Variants in GALNT14 observed in about 807,000 individuals in gnomAD.
The protein encoded by GALNT14 is polypeptide N-acetylgalactosaminyltransferase 14, also known as UDP-GalNAc:polypeptide N-acetylgalactosaminyltransferase 14.
Under a neutral mutation model 77.5 loss-of-function variants are expected in GALNT14, and 60 were observed. The ratio of observed to expected loss-of-function variants is 0.77; its 90% CI spans 0.63 to 0.96. The LOEUF (loss-of-function observed/expected upper bound fraction) is 0.96. GALNT14 is among the 40% of genes least tolerant of loss of function. The pLI, the probability that GALNT14 is intolerant of heterozygous loss-of-function variation, is 0.00. For synonymous variants in GALNT14, 280 were observed against 281.7 expected, an observed-to-expected ratio of 0.99 and a Z score of 0.06; for missense variants, 710 against 731.0, an observed-to-expected ratio of 0.97 and a Z score of 0.33.
intron 2 of GALNT14, among the ~76,000 whole-genome samples, chr2:30,980,454 A>T (rs1668917196): frequency 6.6e-6 from 1 of 152,242 alleles, no homozygotes; most frequent in East Asian, 1.9e-4. Context: ...GCAAACAGTC[A>T]CCAAGTGCTT....
At chr2:31,011,436 T>C (rs1306844833) in intron 1 of GALNT14, among the ~76,000 whole-genome samples, 1 of 152,172 alleles carries the variant, frequency 6.6e-6, no homozygotes, top group Non-Finnish European at 1.5e-5. Context: ...CTGGTTACTT[T>C]TCCCACCTAT....
intron 1 of GALNT14, among the ~76,000 whole-genome samples, chr2:31,068,957 G>A (rs1675168624): frequency 6.6e-6 from 1 of 152,212 alleles, no homozygotes; most frequent in Non-Finnish European, 1.5e-5. Flanking sequence ...GCAAATGTGT[G>A]GAGACAGAAA....
At chr2:30,929,574 C>T in intron 10 of GALNT14, 87 bp from the exon 11 acceptor site, 1 of 966,082 alleles carries the variant, frequency 1.0e-6, no homozygotes, top group Non-Finnish European at 1.6e-6. Context: ...CATGTGTGGG[C>T]TGAGTTGGCA....
At position 31,089,197 on chromosome 2, in the gene GALNT14, A is replaced by G. The variant is rs536026008; in HGVS notation, c.129+48761T>C. On this transcript the variant is annotated intron_variant, in intron 1 of 14. Transcript: ENST00000349752. ...CCTTCTCCTTCCTATAGCATTTGCAATCTCAACTCGAGTGGGACATCTGAT... is the reference window on the plus strand; with the variant it reads ...CCTTCTCCTTCCTATAGCATTTGCAGTCTCAACTCGAGTGGGACATCTGAT... Among the ~76,000 whole-genome samples, 10 of 152,208 alleles carry G rather than the reference A, an allele frequency of 6.6e-5. No homozygotes were observed. In the East Asian group the frequency reaches 1.4e-3, roughly 21 times the overall value.
intron 13 of GALNT14, among the ~76,000 whole-genome samples, chr2:30,918,316 G>C (rs777836774): frequency 2.0e-5 from 3 of 152,214 alleles, no homozygotes; most frequent in Non-Finnish European, 4.4e-5. Context: ...CTATTAACCT[G>C]TGAATTTGAG....
chr2:31,076,951 C>T (rs922669942), intron 1 of GALNT14, among the ~76,000 whole-genome samples: 4 of 152,168 alleles, frequency 2.6e-5, no homozygotes, highest in Admixed American at 6.5e-5. Flanking sequence ...CTGAATTTTG[C>T]ACAATGCCAC....
intron 1 of GALNT14, among the ~76,000 whole-genome samples, chr2:31,092,330 C>A (rs1676789509): frequency 6.6e-6 from 1 of 151,838 alleles, no homozygotes; most frequent in African/African-American, 2.4e-5. Context: ...TAATACAGAT[C>A]TCTTTTATAA....
chr2:31,091,233 G>GA (rs1676721684), intron 1 of GALNT14, among the ~76,000 whole-genome samples: 2 of 151,976 alleles, frequency 1.3e-5, no homozygotes, highest in South Asian at 4.1e-4. Flanking sequence ...TTAAATGGTT[G>GA]AAAAAAAGTC....
intron 1 of GALNT14, among the ~76,000 whole-genome samples, chr2:31,123,026 C>CA (rs1242043922): frequency 6.6e-6 from 1 of 151,726 alleles, no homozygotes; most frequent in African/African-American, 2.4e-5. Flanking sequence ...CTAAAAAATA[C>CA]AAAAAATTAG....
chr2:31,008,813 C>T (rs1055714870), intron 1 of GALNT14, among the ~76,000 whole-genome samples: 6 of 152,172 alleles, frequency 3.9e-5, no homozygotes, highest in Admixed American at 3.3e-4. Context: ...ACAGTGCAGT[C>T]GACACCGCTC....
chr2:30,908,222 A>C (rs1440943887), downstream of GALNT14, among the ~76,000 whole-genome samples: 106 of 151,846 alleles, frequency 7.0e-4, 2 homozygotes, highest in East Asian at 0.02. Context: ...GCAATCAGGC[A>C]GGAGAAGGAA....
At chr2:31,007,114 C>G (rs1241020244) in intron 1 of GALNT14, among the ~76,000 whole-genome samples, 2 of 152,126 alleles carry the variant, frequency 1.3e-5, no homozygotes, top group African/African-American at 2.4e-5. Flanking sequence ...AGAAAGGACT[C>G]TTTTTATGTC....
chr2:30,998,269 C>T (rs1332240213), intron 1 of GALNT14, among the ~76,000 whole-genome samples: 2 of 152,112 alleles, frequency 1.3e-5, no homozygotes, highest in African/African-American at 4.8e-5. Flanking sequence ...AAGGAGAAAT[C>T]TTGAATCTCC....
At chr2:30,941,885 C>T (rs531597432) in intron 9 of GALNT14, among the ~76,000 whole-genome samples, 1 of 152,348 alleles carries the variant, frequency 6.6e-6, no homozygotes, top group African/African-American at 2.4e-5. Context: ...AGACTTGGTG[C>T]TCCTCCTTGG....
intron 2 of GALNT14, among the ~76,000 whole-genome samples, chr2:30,969,856 T>C (rs1240898887): frequency 2.0e-5 from 3 of 152,172 alleles, no homozygotes; most frequent in Non-Finnish European, 4.4e-5. Flanking sequence ...TCTCACAGCA[T>C]CAGCTTTCAG....
chr2:31,043,294 T>G (rs553745943), intron 1 of GALNT14, among the ~76,000 whole-genome samples: 2 of 152,374 alleles, frequency 1.3e-5, no homozygotes, highest in South Asian at 4.1e-4. Flanking sequence ...CTCTTTTTCT[T>G]TCTTACTTAG....
chr2:31,087,682 A>G (rs1190162370), intron 1 of GALNT14, among the ~76,000 whole-genome samples: 1 of 152,096 alleles, frequency 6.6e-6, no homozygotes, highest in Non-Finnish European at 1.5e-5. Flanking sequence ...AGAAGGAGGG[A>G]GCAGCCAACC....
intron 1 of GALNT14, among the ~76,000 whole-genome samples, chr2:31,014,560 C>T (rs1026898125): frequency 6.6e-6 from 1 of 152,020 alleles, no homozygotes; most frequent in African/African-American, 2.4e-5. Context: ...GTGGATGCCC[C>T]CTTCTGAAGG....
intron 9 of GALNT14, among the ~76,000 whole-genome samples, chr2:30,939,965 T>C (rs532496744): frequency 2.8e-4 from 42 of 147,760 alleles, no homozygotes; most frequent in Non-Finnish European, 4.6e-4. Flanking sequence ...CAGCCACCAC[T>C]GGAAAAGCAC....
Sources: gnomAD v4.1 joint callset for allele counts (sites outside exome capture counted in the v4.1 genomes callset) on GRCh38, gnomAD v4.1.1 for gene constraint, MANE v1.5 for transcripts, NCBI Gene and HGNC (gene_info 2026-07-23, HGNC 2026-07-21) for gene names.